Variants in RASAL2 observed in about 807,000 individuals in gnomAD.
The protein encoded by RASAL2 is RAS protein activator like 2, also known as ras GTPase-activating protein nGAP.
In RASAL2, 58 loss-of-function variants were observed where a neutral mutation model predicts 128.9. That is an observed-to-expected ratio of 0.45 (90% CI 0.36 to 0.56). The LOEUF (loss-of-function observed/expected upper bound fraction) is 0.56, where lower values mean the gene tolerates loss of function less well. Ranked by LOEUF, RASAL2 falls within the 20% of genes least tolerant of loss-of-function variation. The pLI, the probability that RASAL2 is intolerant of heterozygous loss-of-function variation, is 0.00. For missense variants in RASAL2, 1,360 were observed against 1,601.6 expected, an observed-to-expected ratio of 0.85 and a Z score of 2.57; for synonymous variants, 561 against 580.8, an observed-to-expected ratio of 0.97 and a Z score of 0.49.
chr1:178,296,141 G>C (rs1319227232), intron 2 of RASAL2, among the ~76,000 whole-genome samples: 1 of 130,022 alleles, frequency 7.7e-6, no homozygotes, highest in Non-Finnish European at 1.5e-5. Flanking sequence ...ATATATGTGT[G>C]TGTATATATG....
chr1:178,447,803 A>C (rs975231290), intron 9 of RASAL2, among the ~76,000 whole-genome samples: 1 of 151,978 alleles, frequency 6.6e-6, no homozygotes, highest in African/African-American at 2.4e-5. Flanking sequence ...GAACTGATAG[A>C]ACTTGGCAAA....
intron 1 of RASAL2, among the ~76,000 whole-genome samples, chr1:178,272,886 C>T (rs923446975): frequency 1.3e-5 from 2 of 151,832 alleles, no homozygotes; most frequent in African/African-American, 2.4e-5. Flanking sequence ...GAGCTGAGAT[C>T]GCACCATTGC....
At position 178,260,529 on chromosome 1, in the gene RASAL2, T is replaced by A. The variant is rs980358128; in HGVS notation, c.203-23035T>A. On this transcript the variant is annotated intron_variant, in intron 1 of 17. Coordinates refer to ENST00000367649, the MANE Select transcript of RASAL2 (RefSeq NM_170692.4). The stretch of plus-strand genomic sequence containing the variant: ...TTGACTTTTGTTAAGAATTGTAGAG[T>A]TCTCATTAACACTATTAGGTGAATC... 4.0e-5 allele frequency among the ~76,000 whole-genome samples: 6 copies of A among 148,784 alleles called. No individual in the cohort carries two copies. In the Admixed American group the frequency reaches 4.1e-4, roughly 10 times the overall value.
intron 3 of RASAL2, among the ~76,000 whole-genome samples, chr1:178,314,202 A>C (rs946580651): frequency 3.9e-5 from 6 of 152,340 alleles, no homozygotes; most frequent in South Asian, 2.1e-4. Context: ...TGCTCACGTG[A>C]GAAGATCCAA....
intron 3 of RASAL2, among the ~76,000 whole-genome samples, chr1:178,384,905 AT>A (rs1672474360): frequency 6.6e-6 from 1 of 152,204 alleles, no homozygotes; most frequent in Admixed American, 6.5e-5. Flanking sequence ...ATAGTTAAGT[AT>A]ATGCAAATAT....
chr1:178,271,429 A>G (rs554520193), intron 1 of RASAL2, among the ~76,000 whole-genome samples: 3 of 152,328 alleles, frequency 2.0e-5, no homozygotes, highest in African/African-American at 4.8e-5. Context: ...GTGAAATTAT[A>G]TATGTTCAAT....
At chr1:178,254,244 A>C (rs1665206270) in intron 1 of RASAL2, among the ~76,000 whole-genome samples, 1 of 152,150 alleles carries the variant, frequency 6.6e-6, no homozygotes, top group African/African-American at 2.4e-5. Flanking sequence ...TCAGAGCTCA[A>C]TTCAAATGTC....
intron 5 of RASAL2, among the ~76,000 whole-genome samples, chr1:178,434,885 A>G (rs1676155194): frequency 6.6e-6 from 1 of 152,110 alleles, no homozygotes; most frequent in Admixed American, 6.6e-5. Flanking sequence ...CCAGGGAGCA[A>G]GTAAAGCTAC....
chr1:178,289,619 C>T (rs1667186416), intron 2 of RASAL2, among the ~76,000 whole-genome samples: 1 of 152,042 alleles, frequency 6.6e-6, no homozygotes, highest in African/African-American at 2.4e-5. Context: ...CAGGCCATCT[C>T]TCTTCTCTAG....
chr1:178,151,533 T>G (rs1471654178), intron 1 of RASAL2, among the ~76,000 whole-genome samples: 2 of 152,242 alleles, frequency 1.3e-5, no homozygotes, highest in Non-Finnish European at 2.9e-5. Flanking sequence ...TTTCTCATAT[T>G]CGCTAAGCGG....
At chr1:178,354,403 G>GA (rs1670685517) in intron 3 of RASAL2, among the ~76,000 whole-genome samples, 1 of 152,166 alleles carries the variant, frequency 6.6e-6, no homozygotes, top group Admixed American at 6.5e-5. Flanking sequence ...ATGTAATGGT[G>GA]AAAAGCTTTC....
intron 2 of RASAL2, among the ~76,000 whole-genome samples, chr1:178,292,681 AG>A (rs1667331851): frequency 6.8e-6 from 1 of 146,162 alleles, no homozygotes; most frequent in African/African-American, 2.4e-5. Flanking sequence ...TTTGCTTGCA[AG>A]AGATGAGACC....
intron 1 of RASAL2, among the ~76,000 whole-genome samples, chr1:178,175,991 A>G (rs1244351318): frequency 6.6e-6 from 1 of 152,164 alleles, no homozygotes; most frequent in African/African-American, 2.4e-5. Context: ...TGTCTTTGCA[A>G]TTGTGAATTA....
At chr1:178,417,758 TA>T (rs35109719) in intron 4 of RASAL2, among the ~76,000 whole-genome samples, 13,218 of 67,766 alleles carry the variant, frequency 0.2, 625 homozygotes, top group Middle Eastern at 0.28. Context: ...AAACTCCGTC[TA>T]AAAAAAAAAA....
Position 178,467,318 on chromosome 1 carries a change from T to G in RASAL2, c.3591-16T>G. The G allele has an allele frequency of 6.2e-7, 1 of 1,607,872 alleles. No individual in the cohort carries two copies. The highest frequency in any genetic ancestry group is 8.5e-7 in the Non-Finnish European group (1 of 1,174,284). ...TTCTTTGAAGATGTTGATATTTCCT[T>G]CCTGCCACATTCTAGGCTAATGGCT... is the stretch of plus-strand genomic sequence containing the variant. On this transcript the variant is annotated splice_polypyrimidine_tract_variant and intron_variant, in intron 16 of 17. Transcript: ENST00000367649.
chr1:178,408,537 G>T (rs16852787), intron 4 of RASAL2, among the ~76,000 whole-genome samples: 1 of 151,470 alleles, frequency 6.6e-6, no homozygotes, highest in Non-Finnish European at 1.5e-5. Context: ...GCAAATTCTT[G>T]TAAGTCAAAT....
At chr1:178,440,400 C>T (rs1676553891) in intron 6 of RASAL2, among the ~76,000 whole-genome samples, 1 of 151,994 alleles carries the variant, frequency 6.6e-6, no homozygotes. Context: ...ATCATTTCAA[C>T]ATGTTCACTA....
At chr1:178,205,102 TCA>T (rs1443717208) in intron 1 of RASAL2, among the ~76,000 whole-genome samples, 1 of 152,196 alleles carries the variant, frequency 6.6e-6, no homozygotes, top group Non-Finnish European at 1.5e-5. Flanking sequence ...CCTCCTGCAT[TCA>T]AGCAATTCTT....
intron 1 of RASAL2, among the ~76,000 whole-genome samples, chr1:178,280,339 AAG>A (rs1463588747): frequency 1.8e-4 from 28 of 152,210 alleles, no homozygotes; most frequent in African/African-American, 6.3e-4. Flanking sequence ...AAAAATATAA[AAG>A]AGTCGCTCTT....
Sources: gnomAD v4.1 joint callset for allele counts (sites outside exome capture counted in the v4.1 genomes callset) on GRCh38, gnomAD v4.1.1 for gene constraint, MANE v1.5 for transcripts, NCBI Gene and HGNC (gene_info 2026-07-23, HGNC 2026-07-21) for gene names.